GSE1: variants seen among roughly 807,000 people sequenced by gnomAD.
GSE1 encodes genetic suppressor element 1.
A neutral mutation model predicts 112.6 loss-of-function variants in GSE1; 32 were observed. That is an observed-to-expected ratio of 0.28 (90% CI 0.21 to 0.38). The LOEUF (loss-of-function observed/expected upper bound fraction) is 0.38, where lower values mean the gene tolerates loss of function less well. Ranked by LOEUF, GSE1 falls within the 10% of genes least tolerant of loss-of-function variation. The probability of loss-of-function intolerance (pLI) is 1.00; values close to 1 mark genes in which losing one functional copy is unlikely to be tolerated. For synonymous variants in GSE1, 1,115 were observed against 735.6 expected (o/e 1.52, Z -8.35); for missense variants, 2,348 against 1,699.2 (o/e 1.38, Z -6.71).
chr16:85,279,458 T>A (rs957970952), intron 1 of GSE1, among the ~76,000 whole-genome samples: 1 of 151,808 alleles, frequency 6.6e-6, no homozygotes, highest in Non-Finnish European at 1.5e-5. Flanking sequence ...AGTACAAAAA[T>A]TAGCCAGGCA....
rs749211551 is a variant in GSE1, at chr16:85,663,495, G to C, written c.2525G>C (p.Arg842Thr). Residue 842 changes from arginine (R) to threonine (T), a missense_variant, in exon 11 of 16, where the codon AGA becomes ACA. By Grantham distance (71) the Arg-to-Thr change is moderately conservative. Transcript: ENST00000253458. ...IQSKRQTPSP[R>T]LALSTRYSPD... ...AGCAAGCGGCAGACGCCTTCACCGA[G>C]ACTGGCGCTGTCTACCCGCTACAGC... is the stretch of plus-strand genomic sequence containing the variant. The C allele has an allele frequency of 1.2e-6, 2 of 1,613,978 alleles. No individual in the cohort carries two copies. Among genetic ancestry groups the C allele is most frequent in the South Asian group, 2.2e-5 (2 of 91,080 alleles).
upstream of GSE1, among the ~76,000 whole-genome samples, chr16:85,612,837 C>G (rs1347389270): frequency 6.6e-6 from 1 of 152,248 alleles, no homozygotes; most frequent in Non-Finnish European, 1.5e-5. Context: ...TGGGCCTGCT[C>G]TGTGTCAGGC....
intron 1 of GSE1, among the ~76,000 whole-genome samples, chr16:85,588,127 C>G (rs555238642): frequency 1.7e-3 from 259 of 152,346 alleles, no homozygotes; most frequent in African/African-American, 6.1e-3. Context: ...GCCAGCTTCA[C>G]TTCACTGGGG....
intron 1 of GSE1, among the ~76,000 whole-genome samples, chr16:85,281,245 G>A (rs1308002025): frequency 6.6e-6 from 1 of 152,090 alleles, no homozygotes; most frequent in Non-Finnish European, 1.5e-5. Flanking sequence ...GCTTGTCCCA[G>A]GTCCCAATTA....
At chr16:85,613,085 C>A (rs2048099451), upstream of GSE1, 12 of 693,362 alleles carry the variant, frequency 1.7e-5, no homozygotes, top group Non-Finnish European at 2.5e-5. Context: ...CGGGTGGATC[C>A]GGGCGCCCGT....
chr16:85,382,796 A>G (rs1023474165), intron 2 of GSE1, among the ~76,000 whole-genome samples: 2 of 149,772 alleles, frequency 1.3e-5, no homozygotes, highest in South Asian at 2.1e-4. Flanking sequence ...CACACAACAC[A>G]TGCACACACA....
Position 85,247,806 on chromosome 16 carries a change from G to T in GSE1, c.2283+75999G>T, listed in dbSNP as rs559468292. Among the ~76,000 whole-genome samples, 48 of 152,346 alleles carry T rather than the reference G, an allele frequency of 3.2e-4. No individual in the cohort carries two copies. In the East Asian group the frequency reaches 9.1e-3, roughly 29 times the overall value. Reference sequence around the variant, plus strand: ...GGGCACATGGGGGACATGCCAGGGGGCTGGTCTTTGAGTGCAGTGGGGACA... The same window carrying T: ...GGGCACATGGGGGACATGCCAGGGGTCTGGTCTTTGAGTGCAGTGGGGACA... On this transcript the variant is annotated intron_variant, in intron 1 of 2. Coordinates refer to the GSE1 transcript ENST00000637419.
At chr16:85,362,831 CTTTTTTTTTTTT>C (rs67922655) in intron 2 of GSE1, among the ~76,000 whole-genome samples, 1 of 103,480 alleles carries the variant, frequency 9.7e-6, no homozygotes, top group African/African-American at 3.8e-5. Context: ...TTATTGATAT[CTTTTTTTTTTTT>C]TTTTTTTTTT....
chr16:85,195,113 AG>A (rs149979400), intron 1 of GSE1, among the ~76,000 whole-genome samples: 2 of 152,270 alleles, frequency 1.3e-5, no homozygotes, highest in East Asian at 3.9e-4. Context: ...AGGGGAGAGG[AG>A]GAACAGGCAT....
At chr16:85,414,636 T>C (rs2048662212) in intron 2 of GSE1, among the ~76,000 whole-genome samples, 1 of 152,142 alleles carries the variant, frequency 6.6e-6, no homozygotes, top group African/African-American at 2.4e-5. Flanking sequence ...TTTATTCTAG[T>C]TATTTATTTA....
chr16:85,658,377 C>A (rs1413017409), intron 8 of GSE1, among the ~76,000 whole-genome samples: 4 of 152,236 alleles, frequency 2.6e-5, no homozygotes, highest in African/African-American at 9.6e-5. Flanking sequence ...GATTCTGTTC[C>A]CTGAGCCTCA....
chr16:85,420,786 T>C (rs2048822928), intron 2 of GSE1, among the ~76,000 whole-genome samples: 1 of 152,008 alleles, frequency 6.6e-6, no homozygotes, highest in African/African-American at 2.4e-5. Flanking sequence ...GGGTGGAGTG[T>C]AAGGGCCTCC....
chr16:85,240,242 AC>A (rs1170992306), intron 1 of GSE1, among the ~76,000 whole-genome samples: 1 of 152,130 alleles, frequency 6.6e-6, no homozygotes, highest in Non-Finnish European at 1.5e-5. Flanking sequence ...TGTTCTCTGT[AC>A]CTGTTCCCTC....
intron 2 of GSE1, among the ~76,000 whole-genome samples, chr16:85,407,318 A>G (rs1279679694): frequency 8.6e-5 from 2 of 23,174 alleles, no homozygotes; most frequent in South Asian, 2.1e-3. Context: ...GATAATCCTC[A>G]CTGTTACTCT....
chr16:85,571,130 T>C (rs1266455675), intron 1 of GSE1, among the ~76,000 whole-genome samples: 1 of 152,200 alleles, frequency 6.6e-6, no homozygotes, highest in Non-Finnish European at 1.5e-5. Flanking sequence ...TCAGCGGGTC[T>C]GGGAGGGGCC....
intron 2 of GSE1, among the ~76,000 whole-genome samples, chr16:85,526,022 C>T (rs898590519): frequency 1.3e-5 from 2 of 152,190 alleles, no homozygotes; most frequent in South Asian, 4.1e-4. Context: ...AGCAAGGGTC[C>T]TGGGACCGTG....
chr16:85,447,538 A>G (rs2049549814), intron 2 of GSE1, among the ~76,000 whole-genome samples: 1 of 152,236 alleles, frequency 6.6e-6, no homozygotes. Flanking sequence ...TGCTCAGCAC[A>G]TACCAGCTGT....
intron 2 of GSE1, among the ~76,000 whole-genome samples, chr16:85,519,850 C>G (rs2052121027): frequency 6.6e-6 from 1 of 152,228 alleles, no homozygotes; most frequent in South Asian, 2.1e-4. Context: ...GCTCCCCTTC[C>G]TTCCTGAGAC....
chr16:85,288,021 C>T (rs2045092389), intron 1 of GSE1, among the ~76,000 whole-genome samples: 1 of 152,186 alleles, frequency 6.6e-6, no homozygotes, highest in Non-Finnish European at 1.5e-5. Context: ...AGGCGGATCA[C>T]CTGAGGTTAG....
Sources: allele counts gnomAD v4.1 joint callset (sites outside exome capture counted in the v4.1 genomes callset), GRCh38; gene constraint gnomAD v4.1.1; transcripts MANE v1.5; gene names NCBI Gene and HGNC (gene_info 2026-07-23, HGNC 2026-07-21).